GABRG3: variants seen among roughly 807,000 people sequenced by gnomAD.
GABRG3 encodes gamma-aminobutyric acid receptor subunit gamma-3.
A neutral mutation model predicts 48.8 loss-of-function variants in GABRG3; 25 were observed. The ratio of observed to expected loss-of-function variants is 0.51; its 90% confidence interval spans 0.37 to 0.72. The LOEUF (loss-of-function observed/expected upper bound fraction) is 0.72, where lower values mean the gene tolerates loss of function less well. Among genes scored for constraint, GABRG3 ranks in the 30% least tolerant of loss-of-function variants. GABRG3 has a pLI of 0.00. For missense variants in GABRG3, 394 were observed against 577.9 expected, an observed-to-expected ratio of 0.68 and a Z score of 3.26; for synonymous variants, 227 against 217.6, an observed-to-expected ratio of 1.04 and a Z score of -0.38.
chr15:27,100,948 C>T (rs1263093101), intron 3 of GABRG3, among the ~76,000 whole-genome samples: 1 of 152,132 alleles, frequency 6.6e-6, no homozygotes, highest in Non-Finnish European at 1.5e-5. Flanking sequence ...TTCAATGTCG[C>T]ACTGGAAGTC....
At chr15:27,323,427 C>T (rs1018318386) in intron 3 of GABRG3, among the ~76,000 whole-genome samples, 1 of 152,140 alleles carries the variant, frequency 6.6e-6, no homozygotes, top group Admixed American at 6.5e-5. Flanking sequence ...CTTCTCGTCT[C>T]GTTCCTCAAT....
At chr15:27,295,357 T>TTAATC (rs1891946960) in intron 3 of GABRG3, among the ~76,000 whole-genome samples, 1 of 152,172 alleles carries the variant, frequency 6.6e-6, no homozygotes, top group African/African-American at 2.4e-5. Flanking sequence ...TCTTTAGATT[T>TTAATC]TAAGATTTGC....
chr15:27,530,045 G>A (rs1481719398), intron 9 of GABRG3, among the ~76,000 whole-genome samples: 1 of 152,156 alleles, frequency 6.6e-6, no homozygotes, highest in Non-Finnish European at 1.5e-5. Context: ...GAAAAAGGAA[G>A]TCTGTCCTCC....
At chr15:27,427,802 A>G (rs1888335845) in intron 5 of GABRG3, among the ~76,000 whole-genome samples, 1 of 152,136 alleles carries the variant, frequency 6.6e-6, no homozygotes, top group Non-Finnish European at 1.5e-5. Flanking sequence ...ATGCCTGAAT[A>G]TTTTCATAAA....
At chr15:27,200,054 T>G (rs1443956312) in intron 3 of GABRG3, among the ~76,000 whole-genome samples, 9 of 100,886 alleles carry the variant, frequency 8.9e-5, no homozygotes, top group Non-Finnish European at 4.3e-5. Context: ...TCTCTCTTCC[T>G]TCTTTCCTTC....
chr15:27,530,680 C>A (rs746819842), intron 9 of GABRG3: 1 of 471,098 alleles, frequency 2.1e-6, no homozygotes, highest in Non-Finnish European at 4.4e-6. Flanking sequence ...GAGCCATCCC[C>A]GCATCAGCAG....
chr15:27,400,865 A>G (rs560695343), intron 5 of GABRG3, among the ~76,000 whole-genome samples: 4 of 152,040 alleles, frequency 2.6e-5, no homozygotes, highest in African/African-American at 4.8e-5. Flanking sequence ...ACGAAGATGT[A>G]TTTAACCTCA....
intron 3 of GABRG3, among the ~76,000 whole-genome samples, chr15:27,281,779 T>G (rs1305103031): frequency 2.0e-5 from 3 of 151,950 alleles, no homozygotes; most frequent in East Asian, 1.9e-4. Context: ...AATAAATATA[T>G]TTTTTAAAAA....
At chr15:27,017,508 CT>C (rs1895802475) in intron 2 of GABRG3, among the ~76,000 whole-genome samples, 1 of 152,190 alleles carries the variant, frequency 6.6e-6, no homozygotes, top group Non-Finnish European at 1.5e-5. Context: ...ACCTGCCACT[CT>C]GTTCCTCTAA....
intron 3 of GABRG3, among the ~76,000 whole-genome samples, chr15:27,062,446 A>AAAAAAAAAAAAAAAAAAC (rs1896665159): frequency 7.4e-6 from 1 of 135,158 alleles, no homozygotes; most frequent in Non-Finnish European, 1.7e-5. Context: ...AAAAAAAAAA[A>AAAAAAAAAAAAAAAAAAC]AAAAAAAAAA....
chr15:27,444,007 G>A (rs981414798), intron 5 of GABRG3, among the ~76,000 whole-genome samples: 1 of 152,058 alleles, frequency 6.6e-6, no homozygotes, highest in African/African-American at 2.4e-5. Flanking sequence ...ATCATTTATT[G>A]CTAGATTCGG....
intron 3 of GABRG3, among the ~76,000 whole-genome samples, chr15:27,313,877 A>T (rs1893115911): frequency 6.6e-6 from 1 of 152,084 alleles, no homozygotes; most frequent in Admixed American, 6.6e-5. Flanking sequence ...AAAGGAATAA[A>T]TACCTGAAGT....
At chr15:27,154,496 G>A (rs895927702) in intron 3 of GABRG3, among the ~76,000 whole-genome samples, 5 of 152,144 alleles carry the variant, frequency 3.3e-5, no homozygotes, top group African/African-American at 1.2e-4. Context: ...ATCAAGTTGA[G>A]GAAGTTCTCC....
intron 3 of GABRG3, among the ~76,000 whole-genome samples, chr15:27,048,056 C>T (rs544965955): frequency 4.6e-4 from 70 of 152,144 alleles, no homozygotes; most frequent in Non-Finnish European, 7.6e-4. Context: ...GAGTGAGGGC[C>T]GCCATGGCTC....
chr15:27,498,900 T>C (rs566091801), intron 6 of GABRG3, among the ~76,000 whole-genome samples: 1 of 152,296 alleles, frequency 6.6e-6, no homozygotes, highest in African/African-American at 2.4e-5. Context: ...CGGTGATCAC[T>C]GTGACTGTCC....
chr15:27,302,411 A>G (rs1004193094), intron 3 of GABRG3, among the ~76,000 whole-genome samples: 1 of 152,094 alleles, frequency 6.6e-6, no homozygotes, highest in Non-Finnish European at 1.5e-5. Flanking sequence ...CTACATAATG[A>G]GAAATAGGAT....
At chr15:27,370,884 C>A (rs1263183237) in intron 5 of GABRG3, among the ~76,000 whole-genome samples, 1 of 152,158 alleles carries the variant, frequency 6.6e-6, no homozygotes, top group African/African-American at 2.4e-5. Context: ...TCCATGGCCA[C>A]TTTATCAAAA....
intron 5 of GABRG3, among the ~76,000 whole-genome samples, chr15:27,382,760 G>C (rs368145226): frequency 2.1e-4 from 32 of 152,234 alleles, no homozygotes; most frequent in African/African-American, 7.7e-4. Context: ...GAGGGACTGA[G>C]TATGTGGTAT....
At chr15:26,981,477 A>G (rs543875496) in intron 2 of GABRG3, among the ~76,000 whole-genome samples, 2 of 152,226 alleles carry the variant, frequency 1.3e-5, no homozygotes, top group Non-Finnish European at 2.9e-5. Context: ...GTATCCTGTC[A>G]TCAATGGATG....
Sources: allele counts gnomAD v4.1 joint callset (sites outside exome capture counted in the v4.1 genomes callset), GRCh38; gene constraint gnomAD v4.1.1; transcripts MANE v1.5; gene names NCBI Gene and HGNC (gene_info 2026-07-23, HGNC 2026-07-21).